NALF1: variants seen among roughly 807,000 people sequenced by gnomAD.
NALF1 encodes the protein family with sequence similarity 155 member A.
A neutral mutation model predicts 48.4 loss-of-function variants in NALF1; 3 were observed. The observed-to-expected ratio is 0.06, with a 90% CI of 0.03 to 0.16. The LOEUF is 0.16. Among genes scored for constraint, NALF1 ranks in the 10% least tolerant of loss-of-function variants. The pLI, the probability that NALF1 is intolerant of heterozygous loss-of-function variation, is 1.00. For synonymous variants in NALF1, 262 were observed against 245.7 expected (o/e 1.07, Z -0.62); for missense variants, 526 against 571.5 (o/e 0.92, Z 0.81).
At position 107,794,483 on chromosome 13, in the gene NALF1, T is replaced by A. The variant is rs180942139; in HGVS notation, c.915+71199A>T. Among the ~76,000 whole-genome samples the A allele has an allele frequency of 4.2e-3, 626 of 150,570 alleles. 11 individuals carry two copies. Among genetic ancestry groups the A allele is most frequent in the African/African-American group, 0.014 (594 of 41,256 alleles). On this transcript the variant is annotated intron_variant, in intron 1 of 2. Coordinates refer to ENST00000375915, the MANE Select transcript of NALF1 (RefSeq NM_001080396.3). ...ACTAGCATGCAGTGTTTTTTTTTTTTATTGCAGGAATTATAATGCTTAACA... is the reference window on the plus strand; with the variant it reads ...ACTAGCATGCAGTGTTTTTTTTTTTAATTGCAGGAATTATAATGCTTAACA...
intron 1 of NALF1, among the ~76,000 whole-genome samples, chr13:107,852,561 T>C (rs1880345492): frequency 6.6e-6 from 1 of 152,230 alleles, no homozygotes; most frequent in Non-Finnish European, 1.5e-5. Flanking sequence ...GATCATATCC[T>C]TTGCACAAAG....
chr13:107,622,627 C>T (rs766367513), intron 1 of NALF1, among the ~76,000 whole-genome samples: 2 of 152,102 alleles, frequency 1.3e-5, no homozygotes, highest in Non-Finnish European at 2.9e-5. Flanking sequence ...TGATTTCACC[C>T]CAGGGGCTTG....
chr13:107,537,636 C>T (rs1258227971), intron 1 of NALF1, among the ~76,000 whole-genome samples: 3 of 152,112 alleles, frequency 2.0e-5, no homozygotes, highest in Non-Finnish European at 4.4e-5. Context: ...CACAGAGACC[C>T]TGAGGATGTG....
intron 1 of NALF1, among the ~76,000 whole-genome samples, chr13:107,762,588 G>A (rs1877296227): frequency 6.6e-6 from 1 of 152,080 alleles, no homozygotes; most frequent in African/African-American, 2.4e-5. Flanking sequence ...GGCAGGTTTT[G>A]AAATGAGTTA....
chr13:107,224,826 T>C (rs958000011), intron 1 of NALF1, among the ~76,000 whole-genome samples: 1 of 152,154 alleles, frequency 6.6e-6, no homozygotes, highest in Admixed American at 6.5e-5. Flanking sequence ...AAATTAGTTA[T>C]TAGATTATTC....
chr13:107,343,432 A>G (rs910251869), intron 1 of NALF1, among the ~76,000 whole-genome samples: 2 of 152,178 alleles, frequency 1.3e-5, no homozygotes, highest in Non-Finnish European at 2.9e-5. Flanking sequence ...ATGATAGTAA[A>G]TAAGTCTCAC....
At chr13:107,300,220 AC>A (rs1881812090) in intron 1 of NALF1, among the ~76,000 whole-genome samples, 1 of 152,244 alleles carries the variant, frequency 6.6e-6, no homozygotes. Context: ...AATTAAAAAT[AC>A]AATATCCAAA....
intron 1 of NALF1, among the ~76,000 whole-genome samples, chr13:107,571,090 T>C (rs1216610624): frequency 6.6e-6 from 1 of 152,240 alleles, no homozygotes; most frequent in Non-Finnish European, 1.5e-5. Context: ...AATAATACTG[T>C]TGCAGCATAA....
At chr13:107,209,076 G>A (rs1320532871) in intron 2 of NALF1, among the ~76,000 whole-genome samples, 1 of 152,090 alleles carries the variant, frequency 6.6e-6, no homozygotes. Flanking sequence ...CATGGGGGAG[G>A]GTTTGGCCAT....
chr13:107,664,377 G>C (rs1270637287), intron 1 of NALF1, among the ~76,000 whole-genome samples: 1 of 152,074 alleles, frequency 6.6e-6, no homozygotes, highest in Non-Finnish European at 1.5e-5. Context: ...GCTCCTAACT[G>C]ATCTCTACTG....
At chr13:107,198,825 C>T (rs2138791636) in intron 2 of NALF1, among the ~76,000 whole-genome samples, 1 of 152,282 alleles carries the variant, frequency 6.6e-6, no homozygotes, top group African/African-American at 2.4e-5. Context: ...TGTAGACGAT[C>T]ATCTTCTTCC....
intron 1 of NALF1, among the ~76,000 whole-genome samples, chr13:107,530,870 T>C (rs1876605092): frequency 6.6e-6 from 1 of 151,946 alleles, no homozygotes; most frequent in African/African-American, 2.4e-5. Context: ...AAAAATAATA[T>C]GAAAACCAGC....
At chr13:107,676,744 A>G (rs964171327) in intron 1 of NALF1, among the ~76,000 whole-genome samples, 3 of 152,176 alleles carry the variant, frequency 2.0e-5, no homozygotes, top group Non-Finnish European at 4.4e-5. Context: ...CCCACATTTG[A>G]CATTTGAATG....
In NALF1 at chr13:107,743,163, G is replaced by A. The variant is rs142099664; in HGVS notation, c.915+122519C>T. Reference sequence around the variant, plus strand: ...AACTTCTTCCCTAGCTGGGAGGCTAGGAGGTCTTACAGAGATTCCCAAAGA... The same window carrying A: ...AACTTCTTCCCTAGCTGGGAGGCTAAGAGGTCTTACAGAGATTCCCAAAGA... On this transcript the variant is annotated intron_variant, in intron 1 of 2. Transcript: ENST00000375915. 5.3e-3 allele frequency among the ~76,000 whole-genome samples: 806 copies of A among 152,300 alleles called. 5 individuals are homozygous for A. The highest frequency in any genetic ancestry group is 0.018 in the African/African-American group (757 of 41,566).
intron 1 of NALF1, among the ~76,000 whole-genome samples, chr13:107,478,388 AAC>A (rs1292747073): frequency 6.6e-6 from 1 of 152,158 alleles, no homozygotes; most frequent in East Asian, 1.9e-4. Flanking sequence ...TTGGTTAGTT[AAC>A]ATTTTAAAAC....
chr13:107,273,604 A>G (rs1029672304), intron 1 of NALF1, among the ~76,000 whole-genome samples: 11 of 152,248 alleles, frequency 7.2e-5, no homozygotes, highest in African/African-American at 2.4e-4. Context: ...AGCTGCTCAG[A>G]ACATGATGCT....
At chr13:107,743,447 G>A (rs1353398018) in intron 1 of NALF1, among the ~76,000 whole-genome samples, 3 of 152,220 alleles carry the variant, frequency 2.0e-5, no homozygotes, top group Non-Finnish European at 4.4e-5. Flanking sequence ...AGAGAATACT[G>A]TTGAAGGTAA....
chr13:107,741,296 T>A (rs1876626232), intron 1 of NALF1, among the ~76,000 whole-genome samples: 1 of 152,216 alleles, frequency 6.6e-6, no homozygotes, highest in South Asian at 2.1e-4. Flanking sequence ...AGTATTTTCC[T>A]ACCCTAATTC....
intron 1 of NALF1, among the ~76,000 whole-genome samples, chr13:107,307,404 A>G (rs1594113185): frequency 6.6e-6 from 1 of 152,162 alleles, no homozygotes; most frequent in East Asian, 1.9e-4. Context: ...TAGGCAGAAA[A>G]AACTAACTTA....
Sources: allele counts gnomAD v4.1 joint callset (sites outside exome capture counted in the v4.1 genomes callset), GRCh38; gene constraint gnomAD v4.1.1; transcripts MANE v1.5; gene names NCBI Gene and HGNC (gene_info 2026-07-23, HGNC 2026-07-21).